The following IMMP2L variants were observed in gnomAD, a reference collection of about 807,000 sequenced individuals.
IMMP2L encodes mitochondrial inner membrane protease subunit 2.
In IMMP2L, 18 loss-of-function variants were observed where a neutral mutation model predicts 19.3. That is an observed-to-expected ratio of 0.93 (90% CI 0.64 to 1.38). The LOEUF (loss-of-function observed/expected upper bound fraction) is 1.38, where lower values mean the gene tolerates loss of function less well. IMMP2L is among the 40% of genes most tolerant of loss of function. The pLI is 0.00. For synonymous variants in IMMP2L, 76 were observed against 73.0 expected (o/e 1.04, Z -0.21); for missense variants, 233 against 218.2 (o/e 1.07, Z -0.43).
rs940951204 is a variant in IMMP2L at position 111,283,801 on chromosome 7, C to T, written c.239+203437G>A. ...CCCGGCTAAAACGGTGAAACCCCGTCTCTACTAAAAATACAAAAAATTAGC... is the reference window on the plus strand; with the variant it reads ...CCCGGCTAAAACGGTGAAACCCCGTTTCTACTAAAAATACAAAAAATTAGC... On this transcript the variant is annotated intron_variant, in intron 3 of 5. Transcript: ENST00000405709. Among the ~76,000 whole-genome samples, 5 of 151,110 alleles carry T rather than the reference C, an allele frequency of 3.3e-5. No individual in the cohort carries two copies. The East Asian group carries it at 7.8e-4, about 23-fold the overall frequency.
At chr7:111,089,024 T>C (rs976599258) in intron 3 of IMMP2L, among the ~76,000 whole-genome samples, 6 of 152,182 alleles carry the variant, frequency 3.9e-5, no homozygotes, top group Admixed American at 3.9e-4. Flanking sequence ...TATTTTAAAT[T>C]TATCATGTAC....
intron 3 of IMMP2L, among the ~76,000 whole-genome samples, chr7:111,018,556 G>T (rs537951641): frequency 2.8e-4 from 43 of 152,238 alleles, no homozygotes; most frequent in Middle Eastern, 3.4e-3. Context: ...GTGGCGCTTT[G>T]TGTGTAGCAG....
chr7:111,254,783 A>G lies in IMMP2L; in HGVS notation c.239+232455T>C, dbSNP rs117197078. On this transcript the variant is annotated intron_variant, in intron 3 of 5. Coordinates refer to ENST00000405709, the MANE Select transcript of IMMP2L (RefSeq NM_032549.4). ...AAAAAAGTCAGCCCTCTGTAACACA[A>G]GTTTTGTATCCCTCAAATCCATGTC... Among the ~76,000 whole-genome samples the G allele has an allele frequency of 2.7e-3, 405 of 152,154 alleles. 4 individuals carry two copies. The highest frequency in any genetic ancestry group is 0.017 in the Middle Eastern group (5 of 294).
At chr7:111,359,491 G>A (rs977938446) in intron 3 of IMMP2L, among the ~76,000 whole-genome samples, 10 of 151,808 alleles carry the variant, frequency 6.6e-5, no homozygotes, top group African/African-American at 1.9e-4. Context: ...TAGTAGAGAC[G>A]GGGTTTCACC....
Position 111,024,070 on chromosome 7 carries a change from C to A in IMMP2L, c.240-60505G>T, listed in dbSNP as rs553222542. Among the ~76,000 whole-genome samples, 11 of 152,208 alleles carry A rather than the reference C, an allele frequency of 7.2e-5. No homozygotes were observed. The East Asian group carries it at 2.1e-3, about 29-fold the overall frequency. On this transcript the variant is annotated intron_variant, in intron 3 of 5. Transcript: ENST00000405709. ...GAAATATTGGCCGTGTGAATTCTAC[C>A]ATTCAATTGAGTCAAGAATTTATCA...
intron 5 of IMMP2L, among the ~76,000 whole-genome samples, chr7:110,676,557 A>G (rs527844740): frequency 6.6e-6 from 1 of 152,338 alleles, no homozygotes; most frequent in Admixed American, 6.5e-5. Flanking sequence ...CATTTACTGA[A>G]TGAGTGAATT....
chr7:111,350,125 G>T (rs147324437), intron 3 of IMMP2L, among the ~76,000 whole-genome samples: 3,764 of 151,720 alleles, frequency 0.025, 179 homozygotes, highest in African/African-American at 0.086. Flanking sequence ...ACGCCACCAT[G>T]CCAGGCTAAT....
intron 5 of IMMP2L, among the ~76,000 whole-genome samples, chr7:110,852,247 T>C (rs1379493932): frequency 6.6e-6 from 1 of 151,818 alleles, no homozygotes; most frequent in Non-Finnish European, 1.5e-5. Flanking sequence ...GATGGATGTA[T>C]ACACATATAT....
At chr7:111,060,239 A>G (rs1418319331) in intron 3 of IMMP2L, among the ~76,000 whole-genome samples, 1 of 152,240 alleles carries the variant, frequency 6.6e-6, no homozygotes. Flanking sequence ...TCACTCATTT[A>G]TCTTAATTGC....
chr7:111,310,660 A>G (rs2130266376), intron 3 of IMMP2L, among the ~76,000 whole-genome samples: 1 of 152,266 alleles, frequency 6.6e-6, no homozygotes, highest in Non-Finnish European at 1.5e-5. Context: ...TAACTCCAAT[A>G]TGTACTACAT....
At chr7:111,268,815 G>T (rs762172124) in intron 3 of IMMP2L, among the ~76,000 whole-genome samples, 5 of 151,456 alleles carry the variant, frequency 3.3e-5, no homozygotes, top group Non-Finnish European at 7.4e-5. Context: ...GCCCTAGCTG[G>T]TCTAAAACCC....
chr7:111,030,868 A>ATG (rs1266804499), intron 3 of IMMP2L, among the ~76,000 whole-genome samples: 105 of 47,288 alleles, frequency 2.2e-3, no homozygotes, highest in South Asian at 5.5e-3. Context: ...ATGTGTGTGT[A>ATG]TGTGTGTGTG....
chr7:110,858,425 AG>A (rs1313808238), intron 5 of IMMP2L, among the ~76,000 whole-genome samples: 1 of 151,858 alleles, frequency 6.6e-6, no homozygotes, highest in Non-Finnish European at 1.5e-5. Flanking sequence ...GCAGAGGGGG[AG>A]GGGGACAGGG....
intron 3 of IMMP2L, among the ~76,000 whole-genome samples, chr7:111,354,033 A>G (rs1019733367): frequency 1.3e-5 from 2 of 152,108 alleles, no homozygotes; most frequent in African/African-American, 2.4e-5. Flanking sequence ...TTACTCAGAG[A>G]GAATGTAAAA....
In IMMP2L at chr7:110,843,941, T is replaced by C. The variant is rs551669300; in HGVS notation, c.408+42652A>G. The stretch of plus-strand genomic sequence containing the variant: ...GAAAGGGCAGGAGAGATCTCTGGGA[T>C]AGGAGGAAGGGGCTGGGTCCTGCAG... On this transcript the variant is annotated intron_variant, in intron 5 of 5. Transcript: ENST00000405709. Among the ~76,000 whole-genome samples the C allele has an allele frequency of 2.6e-5, 4 of 152,130 alleles. No homozygotes were observed. In the East Asian group the frequency reaches 7.8e-4, roughly 29 times the overall value.
At chr7:111,560,010 T>C (rs937308954) in intron 1 of IMMP2L, among the ~76,000 whole-genome samples, 1 of 132,684 alleles carries the variant, frequency 7.5e-6, no homozygotes, top group African/African-American at 2.6e-5. Context: ...CAGTGAAATA[T>C]ATATATATAA....
In IMMP2L at chr7:111,537,527, C is replaced by CTTT. The variant is rs5886594; in HGVS notation, c.-2-16081_-2-16079dup. Among the ~76,000 whole-genome samples, 11 of 78,596 alleles carry CTTT rather than the reference C, an allele frequency of 1.4e-4. 1 individual carries two copies. The East Asian group carries it at 1.6e-3, about 12-fold the overall frequency. The allele number at this position is 78,596 out of a possible 152,430, so 51.6% of individuals were successfully genotyped here. ...TAGATTCCTAGTCTCATCACTTCCA[C>CTTT]TTTTTTTTTTTTTTTTTTTTTTTTT... On this transcript the variant is annotated intron_variant, in intron 1 of 5. Transcript: ENST00000405709.
At chr7:111,168,576 T>A (rs529944661) in intron 3 of IMMP2L, among the ~76,000 whole-genome samples, 1 of 151,948 alleles carries the variant, frequency 6.6e-6, no homozygotes, top group Non-Finnish European at 1.5e-5. Flanking sequence ...TTTGCTTTTT[T>A]ACCCCTGCCT....
intron 1 of IMMP2L, among the ~76,000 whole-genome samples, chr7:111,545,544 C>A (rs1848852050): frequency 6.6e-6 from 1 of 152,062 alleles, no homozygotes; most frequent in African/African-American, 2.4e-5. Flanking sequence ...GCCACCATTC[C>A]CAGCTAACTT....
Sources: gnomAD v4.1 joint callset for allele counts (sites outside exome capture counted in the v4.1 genomes callset) on GRCh38, gnomAD v4.1.1 for gene constraint, MANE v1.5 for transcripts, NCBI Gene and HGNC (gene_info 2026-07-23, HGNC 2026-07-21) for gene names.